ZNF385D: variants seen among roughly 807,000 people sequenced by gnomAD.
The protein encoded by ZNF385D is zinc finger protein 385D.
Under a neutral mutation model 35.8 loss-of-function variants are expected in ZNF385D, and 15 were observed. The ratio of observed to expected loss-of-function variants is 0.42; its 90% CI spans 0.28 to 0.64. The LOEUF (loss-of-function observed/expected upper bound fraction) is 0.64, where lower values mean the gene tolerates loss of function less well. ZNF385D is among the 30% of genes least tolerant of loss of function. The probability of loss-of-function intolerance (pLI) is 0.23; values close to 1 mark genes in which losing one functional copy is unlikely to be tolerated. For synonymous variants in ZNF385D, 212 were observed against 186.8 expected (o/e 1.13, Z -1.10); for missense variants, 474 against 494.6 (o/e 0.96, Z 0.39).
chr3:21,544,487 G>C (rs953485666), intron 3 of ZNF385D, among the ~76,000 whole-genome samples: 2 of 152,072 alleles, frequency 1.3e-5, no homozygotes, highest in African/African-American at 4.8e-5. Context: ...GTAAACTTTC[G>C]CCTAGGGTTA....
At chr3:21,837,141 A>G (rs572871084) in intron 3 of ZNF385D, among the ~76,000 whole-genome samples, 3 of 152,196 alleles carry the variant, frequency 2.0e-5, no homozygotes, top group South Asian at 4.2e-4. Context: ...TTTTTTTTAT[A>G]TGTCATTGCC....
At position 22,049,056 on chromosome 3, in the gene ZNF385D, C is replaced by T. The variant is rs80259150; in HGVS notation, c.325+119761G>A. On this transcript the variant is annotated intron_variant, in intron 3 of 5. Coordinates refer to the ZNF385D transcript ENST00000494108. ...TCAGGCCTGTAATCCCAGCACTGTG[C>T]GAGGCCTATGTGGGTGGATAATTTC... Among the ~76,000 whole-genome samples, 42 of 151,880 alleles carry T rather than the reference C, an allele frequency of 2.8e-4. No homozygotes were observed. In the South Asian group the frequency reaches 7.5e-3, roughly 27 times the overall value.
At chr3:22,049,968 A>G (rs1431491140) in intron 3 of ZNF385D, among the ~76,000 whole-genome samples, 6 of 152,150 alleles carry the variant, frequency 3.9e-5, no homozygotes, top group Non-Finnish European at 8.8e-5. Flanking sequence ...CTTTCCTTGT[A>G]AAATGCTTGT....
At chr3:22,342,565 C>T (rs1695474758) in intron 2 of ZNF385D, among the ~76,000 whole-genome samples, 1 of 152,036 alleles carries the variant, frequency 6.6e-6, no homozygotes, top group South Asian at 2.1e-4. Context: ...AAGTGTATGA[C>T]AATTACCCAA....
At chr3:22,123,840 C>G (rs1703241295) in intron 3 of ZNF385D, among the ~76,000 whole-genome samples, 1 of 150,850 alleles carries the variant, frequency 6.6e-6, no homozygotes, top group Non-Finnish European at 1.5e-5. Flanking sequence ...CCAGCCTGGG[C>G]AACAAGAGCA....
intron 3 of ZNF385D, among the ~76,000 whole-genome samples, chr3:22,129,902 C>T (rs1455645943): frequency 6.6e-6 from 1 of 152,110 alleles, no homozygotes; most frequent in African/African-American, 2.4e-5. Flanking sequence ...TTATGGTCAC[C>T]ACAGCTGGGA....
chr3:21,983,270 C>T (rs1478924328), intron 3 of ZNF385D, among the ~76,000 whole-genome samples: 61 of 141,056 alleles, frequency 4.3e-4, no homozygotes, highest in Middle Eastern at 7.0e-3. Flanking sequence ...CCCACTAACT[C>T]GTCATCTAGC....
At chr3:21,835,781 A>T (rs1400935432) in intron 3 of ZNF385D, among the ~76,000 whole-genome samples, 1 of 152,078 alleles carries the variant, frequency 6.6e-6, no homozygotes, top group Non-Finnish European at 1.5e-5. Flanking sequence ...TTCCAGAAAA[A>T]CAAAAAATAT....
chr3:21,893,407 CAT>C (rs1400630834), intron 3 of ZNF385D, among the ~76,000 whole-genome samples: 1 of 152,126 alleles, frequency 6.6e-6, no homozygotes, highest in Admixed American at 6.6e-5. Context: ...AAATGGCACT[CAT>C]GTCATCGAGC....
intron 3 of ZNF385D, among the ~76,000 whole-genome samples, chr3:22,106,508 G>A (rs945892566): frequency 1.3e-5 from 2 of 152,060 alleles, no homozygotes; most frequent in African/African-American, 4.8e-5. Flanking sequence ...ACTGGAAAAG[G>A]TTTGCTGTCT....
At chr3:22,270,122 C>G (rs1275538665) in intron 2 of ZNF385D, among the ~76,000 whole-genome samples, 1 of 151,882 alleles carries the variant, frequency 6.6e-6, no homozygotes, top group African/African-American at 2.4e-5. Flanking sequence ...GTGTAGAGAA[C>G]ATTTAATTCT....
At position 22,015,709 on chromosome 3, in the gene ZNF385D, T is replaced by C. The variant is rs184891576; in HGVS notation, c.325+153108A>G. Among the ~76,000 whole-genome samples the C allele has an allele frequency of 3.6e-4, 55 of 152,266 alleles. 2 individuals carry two copies. The East Asian group carries it at 9.3e-3, about 26-fold the overall frequency. ...TCTGGCTCCTGGTCTTTGGTTTTTC[T>C]CTTGTTTTTACTACCATAGTATGTT... On this transcript the variant is annotated intron_variant, in intron 3 of 5. Coordinates refer to the ZNF385D transcript ENST00000494108.
chr3:21,988,318 T>C (rs1694934842), intron 3 of ZNF385D, among the ~76,000 whole-genome samples: 1 of 117,408 alleles, frequency 8.5e-6, no homozygotes, highest in Non-Finnish European at 1.9e-5. Flanking sequence ...TTTTGGTCTT[T>C]GATGATGGTG....
At chr3:21,728,452 T>C (rs528581312) in intron 1 of ZNF385D, among the ~76,000 whole-genome samples, 23 of 152,094 alleles carry the variant, frequency 1.5e-4, no homozygotes, top group Non-Finnish European at 2.9e-4. Flanking sequence ...AGGACACATA[T>C]CCACTTTTAA....
chr3:22,098,628 G>A (rs1701761162), intron 3 of ZNF385D, among the ~76,000 whole-genome samples: 1 of 152,016 alleles, frequency 6.6e-6, no homozygotes, highest in Non-Finnish European at 1.5e-5. Context: ...ATCTGGGAAG[G>A]AGAGGCTTGC....
At chr3:21,645,073 A>C (rs1034738356) in intron 2 of ZNF385D, among the ~76,000 whole-genome samples, 2 of 152,216 alleles carry the variant, frequency 1.3e-5, no homozygotes, top group African/African-American at 2.4e-5. Context: ...AATGACCTTG[A>C]AGGCTTCTAA....
chr3:22,080,702 G>T (rs150085266), intron 3 of ZNF385D, among the ~76,000 whole-genome samples: 3 of 151,980 alleles, frequency 2.0e-5, no homozygotes, highest in African/African-American at 7.3e-5. Context: ...AAATTCATAT[G>T]TTGAGTTCCT....
chr3:22,158,736 C>T (rs556132899), intron 3 of ZNF385D, among the ~76,000 whole-genome samples: 1 of 151,962 alleles, frequency 6.6e-6, no homozygotes, highest in Admixed American at 6.6e-5. Flanking sequence ...AAACAAAAAA[C>T]ACGGTGGTTA....
chr3:22,341,943 A>T lies in ZNF385D; in HGVS notation c.106+30507T>A, dbSNP rs537037430. ...TATCTCTGGCTTTCAGAAAAGTGCC[A>T]AGTACATAGTTAACACTGAAAACTG... On this transcript the variant is annotated intron_variant, in intron 2 of 5. Coordinates refer to the ZNF385D transcript ENST00000494108. 1.0e-3 allele frequency among the ~76,000 whole-genome samples: 157 copies of T among 152,302 alleles called. 1 individual carries two copies. In the Middle Eastern group the frequency reaches 0.017, roughly 16 times the overall value.
Sources: gnomAD v4.1 joint callset for allele counts (sites outside exome capture counted in the v4.1 genomes callset) on GRCh38, gnomAD v4.1.1 for gene constraint, MANE v1.5 for transcripts, NCBI Gene and HGNC (gene_info 2026-07-23, HGNC 2026-07-21) for gene names.